ATP10B: variants seen among roughly 807,000 people sequenced by gnomAD.
ATP10B encodes ATPase phospholipid transporting 10B (putative).
ATP10B carries 122 observed loss-of-function variants against 141.2 expected under a neutral mutation model. The observed-to-expected ratio is 0.86, with a 90% CI of 0.75 to 1.00. The LOEUF (loss-of-function observed/expected upper bound fraction) is 1.00. Ranked by LOEUF, ATP10B falls within the 50% of genes least tolerant of loss-of-function variation. The probability of loss-of-function intolerance (pLI) is 0.00; values close to 1 mark genes in which losing one functional copy is unlikely to be tolerated. For missense variants in ATP10B, 1,876 were observed against 1,825.3 expected, an observed-to-expected ratio of 1.03 and a Z score of -0.51; for synonymous variants, 685 against 692.0, an observed-to-expected ratio of 0.99 and a Z score of 0.16.
intron 2 of ATP10B, among the ~76,000 whole-genome samples, chr5:160,776,452 T>C (rs1770327893): frequency 6.6e-6 from 1 of 152,218 alleles, no homozygotes; most frequent in Non-Finnish European, 1.5e-5. Context: ...TCCCAGGGGC[T>C]ACATTGTCTG....
chr5:160,766,676 A>G (rs145841443), intron 2 of ATP10B, among the ~76,000 whole-genome samples: 1 of 152,302 alleles, frequency 6.6e-6, no homozygotes, highest in Admixed American at 6.5e-5. Context: ...CCAAAATATC[A>G]GAAATCACCA....
intron 2 of ATP10B, among the ~76,000 whole-genome samples, chr5:160,773,890 TAAC>T (rs777771500): frequency 3.9e-4 from 59 of 152,150 alleles, no homozygotes; most frequent in Non-Finnish European, 6.2e-4. Context: ...GTGTTTTCAT[TAAC>T]AACAACAAAA....
chr5:160,822,487 C>A (rs1581601350), intron 1 of ATP10B, among the ~76,000 whole-genome samples: 1 of 152,074 alleles, frequency 6.6e-6, no homozygotes, highest in East Asian at 1.9e-4. Context: ...AGCTACCATA[C>A]AATGCAGCAA....
intron 1 of ATP10B, among the ~76,000 whole-genome samples, chr5:160,831,180 T>C (rs902197879): frequency 6.6e-6 from 1 of 152,026 alleles, no homozygotes; most frequent in African/African-American, 2.4e-5. Context: ...AATAATAGTA[T>C]TTCTTAGTTT....
At chr5:160,618,064 C>T in intron 15 of ATP10B, 91 bp from the exon 16 acceptor site, 14 of 1,019,258 alleles carry the variant, frequency 1.4e-5, no homozygotes, top group Non-Finnish European at 2.2e-5. Context: ...TAGTAGACTA[C>T]AAATACTTTA....
intron 1 of ATP10B, among the ~76,000 whole-genome samples, chr5:160,811,958 T>C (rs1773182142): frequency 6.6e-6 from 1 of 151,436 alleles, no homozygotes; most frequent in African/African-American, 2.4e-5. Flanking sequence ...CAGGGGTGCC[T>C]GTGTTACTCC....
chr5:160,868,696 C>T, the ATP10B span, among the ~76,000 whole-genome samples: 2 of 152,032 alleles, frequency 1.3e-5, no homozygotes, highest in African/African-American at 2.4e-5. Flanking sequence ...AGGTAAATGA[C>T]CTCTAAGACT....
chr5:160,820,255 T>C lies in ATP10B; in HGVS notation c.-576+31686A>G, dbSNP rs75038204. Among the ~76,000 whole-genome samples, 1,061 of 151,790 alleles carry C rather than the reference T, an allele frequency of 7.0e-3. 17 individuals are homozygous for C. Among genetic ancestry groups the C allele is most frequent in the African/African-American group, 0.024 (1,000 of 41,460 alleles). On this transcript the variant is annotated intron_variant, in intron 1 of 25. Transcript: ENST00000327245. ...AGCAGGTACTAAGAGCAACTATATA[T>C]CAATACATTGGAAAATAAAGAAGAA... is the stretch of plus-strand genomic sequence containing the variant.
At chr5:160,895,212 CT>C in the ATP10B span, among the ~76,000 whole-genome samples, 3 of 129,270 alleles carry the variant, frequency 2.3e-5, no homozygotes, top group African/African-American at 8.0e-5. Flanking sequence ...CAATATTAAT[CT>C]TAAATATAAA....
intron 2 of ATP10B, among the ~76,000 whole-genome samples, chr5:160,728,152 C>T (rs1335721547): frequency 1.3e-5 from 2 of 151,800 alleles, no homozygotes; most frequent in African/African-American, 4.8e-5. Flanking sequence ...TGTAGATTTA[C>T]TGGGCACTAA....
chr5:160,652,866 T>C (rs1349802299), intron 7 of ATP10B, among the ~76,000 whole-genome samples: 29 of 91,410 alleles, frequency 3.2e-4, no homozygotes, highest in Admixed American at 8.4e-4. Context: ...AAATTATATA[T>C]AATATATATA....
chr5:160,585,604 A>G (rs1367862845), intron 24 of ATP10B, among the ~76,000 whole-genome samples: 1 of 152,210 alleles, frequency 6.6e-6, no homozygotes, highest in African/African-American at 2.4e-5. Context: ...TTCATCTCCA[A>G]AAAACAAACA....
upstream of ATP10B, among the ~76,000 whole-genome samples, chr5:160,853,649 A>G (rs963205755): frequency 6.6e-6 from 1 of 152,120 alleles, no homozygotes; most frequent in Non-Finnish European, 1.5e-5. Flanking sequence ...CAATGAATAG[A>G]GAGTCCTCAA....
chr5:160,617,879 T>A lies in ATP10B; in HGVS notation c.2511A>T (p.Leu837=). The change falls in exon 16 of 26, where the codon CTA becomes CTT. Residue 837 remains leucine (L), a synonymous_variant. Coordinates refer to ENST00000327245, the MANE Select transcript of ATP10B (RefSeq NM_025153.3). Reference sequence around the variant, plus strand: ...TTGTTCTTACCTTCTTGGCAATGCATAGTGTGCGCAGGCCATCTCTTGCAT... The same window carrying A: ...TTGTTCTTACCTTCTTGGCAATGCAAAGTGTGCGCAGGCCATCTCTTGCAT... ...DLYARDGLRT[L]CIAKKVVSEE... The A allele has an allele frequency of 6.2e-7, 1 of 1,614,010 alleles. No homozygotes were observed. The highest frequency in any genetic ancestry group is 8.5e-7 in the Non-Finnish European group (1 of 1,179,838).
the ATP10B span, among the ~76,000 whole-genome samples, chr5:160,861,230 T>C: frequency 2.0e-5 from 3 of 152,038 alleles, no homozygotes; most frequent in South Asian, 4.1e-4. Context: ...GGTGGCTGAA[T>C]AGTAAGGAAG....
chr5:160,806,206 G>A (rs4921342), intron 1 of ATP10B, among the ~76,000 whole-genome samples: 73,526 of 152,002 alleles, frequency 0.48, 18,094 homozygotes, highest in East Asian at 0.8. Context: ...ATGTTTAACC[G>A]GATACCTGGG....
rs1372858496 is a variant in ATP10B at position 160,652,740 on chromosome 5, ATGTAC to A, written c.676-3489_676-3485del. 1.7e-5 allele frequency among the ~76,000 whole-genome samples: 2 copies of A among 118,476 alleles called. 1 individual carries two copies. The highest frequency in any genetic ancestry group is 4.6e-4 in the East Asian group (2 of 4,318). The allele number at this position is 118,476 out of a possible 152,430, so 77.7% of individuals were successfully genotyped here. ...TTATATATAATATATACATATATTT[ATGTAC>A]TATACATGTACATATTATATACATA... is the stretch of plus-strand genomic sequence containing the variant. On this transcript the variant is annotated intron_variant, in intron 7 of 25. Transcript: ENST00000327245.
intron 8 of ATP10B, 123 bp downstream of exon 8, chr5:160,649,048 T>TCA (rs1026183365): frequency 1.2e-5 from 7 of 573,630 alleles, no homozygotes; most frequent in East Asian, 6.3e-5. Flanking sequence ...TCCCTCTTTA[T>TCA]CACACACACA....
chr5:160,569,516 T>C lies in ATP10B; in HGVS notation c.3918A>G (p.Pro1306=), dbSNP rs1362974992. 6.2e-7 allele frequency: 1 copy of C among 1,613,724 alleles called. No homozygotes were observed. The highest frequency in any genetic ancestry group is 2.2e-5 in the East Asian group (1 of 44,856). The change falls in exon 25 of 26, where the codon CCA becomes CCG. Residue 1306 remains proline, a synonymous_variant. Coordinates refer to ENST00000327245, the MANE Select transcript of ATP10B (RefSeq NM_025153.3). The stretch of plus-strand genomic sequence containing the variant: ...CAAACCTTGGGAGAAGAGCAACAAC[T>C]GGTGTGAGAAAGCAGACGAGGTAGA... ...PTFYLVCFLT[P]VVALLPRYFF...
Sources: gnomAD v4.1 joint callset for allele counts (sites outside exome capture counted in the v4.1 genomes callset) on GRCh38, gnomAD v4.1.1 for gene constraint, MANE v1.5 for transcripts, NCBI Gene and HGNC (gene_info 2026-07-23, HGNC 2026-07-21) for gene names.